ROR1: variants seen among roughly 807,000 people sequenced by gnomAD.
ROR1 encodes inactive tyrosine-protein kinase transmembrane receptor ROR1.
Under a neutral mutation model 78.8 loss-of-function variants are expected in ROR1, and 19 were observed. That is an observed-to-expected ratio of 0.24 (90% CI 0.17 to 0.35). The LOEUF (loss-of-function observed/expected upper bound fraction) is 0.35, where lower values mean the gene tolerates loss of function less well. Ranked by LOEUF, ROR1 falls within the 10% of genes least tolerant of loss-of-function variation. ROR1 has a pLI of 1.00. For missense variants in ROR1, 917 were observed against 1,177.8 expected, an observed-to-expected ratio of 0.78 and a Z score of 3.24; for synonymous variants, 386 against 433.6, an observed-to-expected ratio of 0.89 and a Z score of 1.36.
At chr1:63,895,202 T>C (rs1014077235) in intron 1 of ROR1, among the ~76,000 whole-genome samples, 1 of 152,232 alleles carries the variant, frequency 6.6e-6, no homozygotes, top group Non-Finnish European at 1.5e-5. Flanking sequence ...TAAAGGTCAC[T>C]GGACAATTTA....
rs143382056 is a variant in ROR1 at position 64,156,972 on chromosome 1, T to C, written c.1175-2009T>C. 3.9e-3 allele frequency among the ~76,000 whole-genome samples: 592 copies of C among 152,266 alleles called. 1 individual carries two copies. Among genetic ancestry groups the C allele is most frequent in the Non-Finnish European group, 6.0e-3 (409 of 68,010 alleles). Reference sequence around the variant, plus strand: ...GTCCTTGGGCAACTTACTTAACCACTCTGTCTTCCAGCATCTTCACCTATA... The same window carrying C: ...GTCCTTGGGCAACTTACTTAACCACCCTGTCTTCCAGCATCTTCACCTATA... On this transcript the variant is annotated intron_variant, in intron 7 of 8. Coordinates refer to ENST00000371079, the MANE Select transcript of ROR1 (RefSeq NM_005012.4).
chr1:63,848,054 A>C (rs1645092498), intron 1 of ROR1, among the ~76,000 whole-genome samples: 1 of 152,248 alleles, frequency 6.6e-6, no homozygotes, highest in African/African-American at 2.4e-5. Flanking sequence ...GAGAAAACTT[A>C]AGAACCGATA....
rs1357987989 is a variant in ROR1 at position 64,095,703 on chromosome 1, T to C, written c.483-41666T>C. ...ATTGTAAAAGCTTACCCCAAAAATA[T>C]CTGAATTATTAGAAATTAGACATAA... On this transcript the variant is annotated intron_variant, in intron 4 of 8. Coordinates refer to ENST00000371079, the MANE Select transcript of ROR1 (RefSeq NM_005012.4). Among the ~76,000 whole-genome samples, 3 of 152,170 alleles carry C rather than the reference T, an allele frequency of 2.0e-5. No homozygotes were observed. In the South Asian group the frequency reaches 6.2e-4, roughly 32 times the overall value.
At chr1:64,118,632 C>CAAAAAAAAAA (rs3084938) in intron 4 of ROR1, among the ~76,000 whole-genome samples, 1 of 65,854 alleles carries the variant, frequency 1.5e-5, no homozygotes, top group African/African-American at 5.6e-5. Flanking sequence ...GACTCCATCT[C>CAAAAAAAAAA]AAAAAAAAAA....
rs1170041420 is a variant in ROR1 at position 64,177,413 on chromosome 1, C to T, written c.1387-15C>T. ...AGATATGTTTTAAACCACGTTTTTC[C>T]TCTCTTTCATACAGAGCAAGGCTAA... On this transcript the variant is annotated splice_polypyrimidine_tract_variant and intron_variant, in intron 8 of 8. Coordinates refer to ENST00000371079, the MANE Select transcript of ROR1 (RefSeq NM_005012.4). 3 of 1,579,698 alleles carry T rather than the reference C, an allele frequency of 1.9e-6. No individual in the cohort carries two copies. The highest frequency in any genetic ancestry group is 1.7e-6 in the Non-Finnish European group (2 of 1,163,508).
intron 2 of ROR1, among the ~76,000 whole-genome samples, chr1:64,019,383 T>C (rs1258328023): frequency 1.3e-5 from 2 of 152,210 alleles, no homozygotes; most frequent in African/African-American, 4.8e-5. Flanking sequence ...TCTGGATTTT[T>C]TCCCCCATCT....
chr1:63,818,209 G>A (rs193091096), intron 1 of ROR1, among the ~76,000 whole-genome samples: 106 of 152,284 alleles, frequency 7.0e-4, no homozygotes, highest in Admixed American at 1.6e-3. Context: ...CCTGGGGAAG[G>A]AAAGGATCTG....
Position 64,014,773 on chromosome 1 carries a change from T to TATGTATATATATATATATATATATACAC in ROR1, c.163+5398_163+5399insTGTATATATATATATATATATATACACA, listed in dbSNP as rs71056017. On this transcript the variant is annotated intron_variant, in intron 2 of 8. Coordinates refer to ENST00000371079, the MANE Select transcript of ROR1 (RefSeq NM_005012.4). The stretch of plus-strand genomic sequence containing the variant: ...ATATATATATATATATATATATATA[T>TATGTATATATATATATATATATATACAC]ACACATTTTGTCCTGGTTTGCCTTT... 1.9e-4 allele frequency among the ~76,000 whole-genome samples: 9 copies of TATGTATATATATATATATATATATACAC among 47,014 alleles called. 1 individual carries two copies. Among genetic ancestry groups the TATGTATATATATATATATATATATACAC allele is most frequent in the African/African-American group, 5.0e-4 (9 of 18,058 alleles). The allele number at this position is 47,014 out of a possible 152,430, so 30.8% of individuals were successfully genotyped here.
chr1:63,887,318 G>A (rs1480332365), intron 1 of ROR1, among the ~76,000 whole-genome samples: 1 of 152,108 alleles, frequency 6.6e-6, no homozygotes, highest in Non-Finnish European at 1.5e-5. Flanking sequence ...AGAGGAGGGT[G>A]GGCTTGAAAT....
At chr1:63,960,939 G>T (rs746503126) in intron 1 of ROR1, among the ~76,000 whole-genome samples, 1 of 152,176 alleles carries the variant, frequency 6.6e-6, no homozygotes, top group Non-Finnish European at 1.5e-5. Context: ...TAGGAAACAG[G>T]AGAATTAACA....
intron 1 of ROR1, chr1:63,788,634 A>G (rs1489640276): frequency 1.2e-5 from 2 of 170,622 alleles, no homozygotes; most frequent in African/African-American, 2.4e-5. Context: ...ATATATATAT[A>G]TATATTTTAA....
chr1:64,071,163 G>A (rs12083876), intron 4 of ROR1, among the ~76,000 whole-genome samples: 3,412 of 152,216 alleles, frequency 0.022, 135 homozygotes, highest in African/African-American at 0.074. Context: ...GGAGCTACGC[G>A]TTACTTAGCT....
intron 8 of ROR1, among the ~76,000 whole-genome samples, chr1:64,166,539 T>G (rs1239133852): frequency 6.6e-6 from 1 of 152,232 alleles, no homozygotes; most frequent in Admixed American, 6.5e-5. Flanking sequence ...CTTTGAGCAG[T>G]GTTTTGACTA....
At chr1:64,136,640 T>C (rs1421194400) in intron 4 of ROR1, among the ~76,000 whole-genome samples, 4 of 152,158 alleles carry the variant, frequency 2.6e-5, no homozygotes, top group African/African-American at 9.7e-5. Context: ...TCCCTCTGTC[T>C]TCAAGATGAA....
intron 1 of ROR1, among the ~76,000 whole-genome samples, chr1:63,914,108 T>TA (rs1313193307): frequency 2.6e-5 from 4 of 152,184 alleles, no homozygotes; most frequent in Admixed American, 6.5e-5. Flanking sequence ...GTTTTAAGAT[T>TA]AAAAAAAATA....
chr1:63,859,892 C>G (rs552185376), intron 1 of ROR1, among the ~76,000 whole-genome samples: 3 of 152,288 alleles, frequency 2.0e-5, no homozygotes, highest in African/African-American at 7.2e-5. Flanking sequence ...AGGCCCTGGG[C>G]TAAGTTCTTT....
intron 1 of ROR1, among the ~76,000 whole-genome samples, chr1:63,857,747 G>A (rs1441110581): frequency 6.6e-6 from 1 of 152,200 alleles, no homozygotes; most frequent in East Asian, 1.9e-4. Flanking sequence ...ATCTTTAAGA[G>A]TCGGTAGAAT....
chr1:64,169,683 C>T (rs1305212701), intron 8 of ROR1, among the ~76,000 whole-genome samples: 1 of 152,208 alleles, frequency 6.6e-6, no homozygotes, highest in Non-Finnish European at 1.5e-5. Context: ...ACTCAGAAGT[C>T]CACAGTCCAA....
intron 4 of ROR1, among the ~76,000 whole-genome samples, chr1:64,074,349 G>C (rs1647032459): frequency 1.3e-5 from 2 of 152,088 alleles, no homozygotes; most frequent in South Asian, 4.2e-4. Flanking sequence ...CTATTTAAGG[G>C]ATTAAATGGC....
Sources: gnomAD v4.1 joint callset for allele counts (sites outside exome capture counted in the v4.1 genomes callset) on GRCh38, gnomAD v4.1.1 for gene constraint, MANE v1.5 for transcripts, NCBI Gene and HGNC (gene_info 2026-07-23, HGNC 2026-07-21) for gene names.